Variants in ZNF215 observed in about 807,000 individuals in gnomAD.
ZNF215 encodes the protein BWSCR2-associated zinc finger protein 2.
In ZNF215, 24 loss-of-function variants were observed where a neutral mutation model predicts 27.2. The observed-to-expected ratio is 0.88, with a 90% CI of 0.64 to 1.24. The LOEUF is 1.24. Among genes scored for constraint, ZNF215 ranks in the 50% most tolerant of loss-of-function variants. The probability of loss-of-function intolerance (pLI) is 0.00; values close to 1 mark genes in which losing one functional copy is unlikely to be tolerated. For missense variants in ZNF215, 675 were observed against 605.7 expected, an observed-to-expected ratio of 1.11 and a Z score of -1.20; for synonymous variants, 210 against 204.0, an observed-to-expected ratio of 1.03 and a Z score of -0.25.
At chr11:6,934,779 C>T (rs1158605310) in intron 3 of ZNF215, among the ~76,000 whole-genome samples, 1 of 152,148 alleles carries the variant, frequency 6.6e-6, no homozygotes, top group African/African-American at 2.4e-5. Flanking sequence ...ATCACATCTG[C>T]AGAGTCTCTC....
intron 6 of ZNF215, among the ~76,000 whole-genome samples, chr11:6,951,531 G>T (rs1850062321): frequency 6.6e-6 from 1 of 151,900 alleles, no homozygotes; most frequent in Non-Finnish European, 1.5e-5. Flanking sequence ...AGAGGTGTTT[G>T]TAGTATTCTC....
At chr11:6,983,533 A>T (rs1419810158) in intron 5 of ZNF215, among the ~76,000 whole-genome samples, 1 of 152,216 alleles carries the variant, frequency 6.6e-6, no homozygotes, top group Non-Finnish European at 1.5e-5. Flanking sequence ...AACCGAATCC[A>T]GCAGCACATC....
intron 2 of ZNF215, among the ~76,000 whole-genome samples, chr11:6,929,786 C>A (rs1269050631): frequency 6.6e-6 from 1 of 151,738 alleles, no homozygotes; most frequent in East Asian, 1.9e-4. Context: ...CCTCCCCCCA[C>A]CCCACAGCAT....
chr11:6,976,165 C>A (rs930142252), intron 5 of ZNF215, among the ~76,000 whole-genome samples: 1 of 151,976 alleles, frequency 6.6e-6, no homozygotes, highest in Non-Finnish European at 1.5e-5. Flanking sequence ...TTATTCAAAT[C>A]ATTTGCCGAG....
At chr11:6,952,636 A>G (rs1850123516) in intron 6 of ZNF215, among the ~76,000 whole-genome samples, 1 of 151,844 alleles carries the variant, frequency 6.6e-6, no homozygotes, top group South Asian at 2.1e-4. Context: ...GTCTCTGCAC[A>G]TGAGATGGGT....
chr11:6,934,225 A>G (rs535285699), intron 3 of ZNF215, among the ~76,000 whole-genome samples: 2 of 152,282 alleles, frequency 1.3e-5, no homozygotes, highest in East Asian at 3.9e-4. Context: ...GAAAGGAGAA[A>G]TTTTCAAGAA....
chr11:6,964,240 A>G (rs1191853354), intron 5 of ZNF215, among the ~76,000 whole-genome samples: 4 of 152,014 alleles, frequency 2.6e-5, no homozygotes, highest in Non-Finnish European at 5.9e-5. Context: ...TGCACAGTCC[A>G]TGGCTTGTCC....
At chr11:6,946,138 A>G (rs1412890134) in intron 6 of ZNF215, among the ~76,000 whole-genome samples, 1 of 152,018 alleles carries the variant, frequency 6.6e-6, no homozygotes, top group Non-Finnish European at 1.5e-5. Context: ...ACTTTTGTCC[A>G]ACTGCAGTGC....
At chr11:6,973,692 C>T (rs189776541) in intron 5 of ZNF215, among the ~76,000 whole-genome samples, 122 of 150,628 alleles carry the variant, frequency 8.1e-4, no homozygotes, top group Middle Eastern at 6.8e-3. Context: ...GCATAAATGT[C>T]TTCTTTTGAG....
intron 6 of ZNF215, among the ~76,000 whole-genome samples, chr11:6,944,193 G>A (rs947788731): frequency 5.9e-5 from 9 of 152,046 alleles, no homozygotes; most frequent in Middle Eastern, 6.8e-3. Flanking sequence ...GGAGAATGGC[G>A]TGAACCCGGG....
intron 4 of ZNF215, among the ~76,000 whole-genome samples, chr11:6,942,178 G>A (rs536835779): frequency 1.3e-5 from 2 of 152,296 alleles, no homozygotes; most frequent in South Asian, 4.2e-4. Context: ...GTTGAGGAAA[G>A]AGGAAGTGAG....
At chr11:6,940,723 G>C (rs988368006) in intron 3 of ZNF215, among the ~76,000 whole-genome samples, 1 of 152,090 alleles carries the variant, frequency 6.6e-6, no homozygotes, top group African/African-American at 2.4e-5. Flanking sequence ...AAGATTTTTG[G>C]GGGGTTTCAA....
chr11:6,955,144 A>G (rs968565663), intron 6 of ZNF215, among the ~76,000 whole-genome samples: 1 of 152,236 alleles, frequency 6.6e-6, no homozygotes, highest in African/African-American at 2.4e-5. Context: ...GCTATCTTAT[A>G]TTAGAGTTCT....
chr11:6,985,300 T>G (rs1436534239), downstream of ZNF215, among the ~76,000 whole-genome samples: 1 of 152,066 alleles, frequency 6.6e-6, no homozygotes, highest in Admixed American at 6.6e-5. Context: ...GGAAAAAAAC[T>G]AATCTCAATA....
intron 4 of ZNF215, among the ~76,000 whole-genome samples, chr11:6,942,767 G>C (rs1253926450): frequency 3.3e-5 from 5 of 152,248 alleles, no homozygotes; most frequent in Admixed American, 2.0e-4. Context: ...TTATTTGTAA[G>C]GCATAGTAAT....
intron 5 of ZNF215, among the ~76,000 whole-genome samples, chr11:6,975,577 A>G (rs533106020): frequency 6.6e-6 from 1 of 151,896 alleles, no homozygotes; most frequent in African/African-American, 2.4e-5. Context: ...CGTGAGTTCA[A>G]TTGTTTTAAC....
intron 5 of ZNF215, chr11:6,984,107 C>T: frequency 2.5e-6 from 1 of 405,636 alleles, no homozygotes; most frequent in Non-Finnish European, 4.8e-6. Flanking sequence ...GACAATGTCC[C>T]TTAAATTTTT....
At chr11:6,936,383 T>G (rs190745344) in intron 3 of ZNF215, among the ~76,000 whole-genome samples, 149 of 152,164 alleles carry the variant, frequency 9.8e-4, no homozygotes, top group Admixed American at 3.3e-3. Flanking sequence ...ACAAATTAGA[T>G]GCACTTAGAT....
At chr11:6,948,149 G>A (rs1281986987) in intron 6 of ZNF215, among the ~76,000 whole-genome samples, 2 of 152,180 alleles carry the variant, frequency 1.3e-5, no homozygotes, top group Non-Finnish European at 2.9e-5. Flanking sequence ...CAAAGGATGT[G>A]CAGCCATTTT....
Sources: allele counts gnomAD v4.1 joint callset (sites outside exome capture counted in the v4.1 genomes callset), GRCh38; gene constraint gnomAD v4.1.1; transcripts MANE v1.5; gene names NCBI Gene and HGNC (gene_info 2026-07-23, HGNC 2026-07-21).